CEP89: variants seen among roughly 807,000 people sequenced by gnomAD.
CEP89 encodes centrosomal protein of 89 kDa.
In CEP89, 95 loss-of-function variants were observed where a neutral mutation model predicts 97.6. The ratio of observed to expected loss-of-function variants is 0.97; its 90% CI spans 0.82 to 1.15. The LOEUF is 1.15. CEP89 is among the 50% of genes most tolerant of loss of function. The pLI, the probability that CEP89 is intolerant of heterozygous loss-of-function variation, is 0.00. For synonymous variants in CEP89, 354 were observed against 349.1 expected, an observed-to-expected ratio of 1.01 and a Z score of -0.16; for missense variants, 869 against 947.7, an observed-to-expected ratio of 0.92 and a Z score of 1.09.
At position 32,966,360 on chromosome 19, in the gene CEP89, C is replaced by T; in HGVS notation, c.146G>A (p.Arg49Lys). Residue 49 changes from arginine (R) to lysine (K), a missense_variant and splice_region_variant, in exon 2 of 19, where the codon AGA becomes AAA. By Grantham distance (26) the Arg-to-Lys change is conservative. Coordinates refer to ENST00000305768, the MANE Select transcript of CEP89 (RefSeq NM_032816.5). ...RSPNPSPERP[R>K]SALAAAILAT... ...CAGTGCCTGCTCATCTGATACTCACCTTGGTCTCTCTGGAGATGGGTTGGG... is the reference window on the plus strand; with the variant it reads ...CAGTGCCTGCTCATCTGATACTCACTTTGGTCTCTCTGGAGATGGGTTGGG... The T allele has an allele frequency of 6.6e-7, 1 of 1,521,420 alleles. No individual in the cohort carries two copies. Among genetic ancestry groups the T allele is most frequent in the Non-Finnish European group, 8.9e-7 (1 of 1,126,156 alleles). The allele number at this position is 1,521,420 out of a possible 1,614,324, so 94.2% of individuals were successfully genotyped here.
chr19:32,892,654 C>T (rs910893539), intron 16 of CEP89, among the ~76,000 whole-genome samples: 8 of 137,816 alleles, frequency 5.8e-5, no homozygotes, highest in African/African-American at 8.2e-5. Flanking sequence ...GAGAATGAGA[C>T]GATATATTCA....
intron 4 of CEP89, among the ~76,000 whole-genome samples, chr19:32,950,466 G>A (rs1599769507): frequency 6.6e-6 from 1 of 152,210 alleles, no homozygotes; most frequent in East Asian, 1.9e-4. Context: ...GCTGAGGCAG[G>A]AGAATTGCTT....
intron 1 of CEP89, 33 bp from the exon 2 acceptor site, chr19:32,966,499 G>A (rs1181992466): frequency 7.3e-7 from 1 of 1,369,850 alleles, no homozygotes; most frequent in Non-Finnish European, 9.9e-7. Context: ...AAGTCACTGG[G>A]TTGGGTCACT....
chr19:32,921,170 C>A (rs533468454), intron 12 of CEP89, among the ~76,000 whole-genome samples: 4 of 150,702 alleles, frequency 2.7e-5, no homozygotes, highest in Non-Finnish European at 5.9e-5. Flanking sequence ...TGCAGTGAGT[C>A]GAGATCGCGC....
chr19:32,913,934 C>T (rs987678024), intron 14 of CEP89, among the ~76,000 whole-genome samples: 4 of 152,122 alleles, frequency 2.6e-5, no homozygotes, highest in Non-Finnish European at 5.9e-5. Flanking sequence ...CCACCGTGCC[C>T]GGCCACACAC....
chr19:32,907,643 C>A (rs1038218746), intron 14 of CEP89, among the ~76,000 whole-genome samples: 1 of 151,970 alleles, frequency 6.6e-6, no homozygotes, highest in Non-Finnish European at 1.5e-5. Context: ...GTAGAGATGG[C>A]GTTTCACCAT....
intron 15 of CEP89, among the ~76,000 whole-genome samples, chr19:32,900,455 G>A (rs1195792650): frequency 6.6e-6 from 1 of 151,602 alleles, no homozygotes; most frequent in Admixed American, 6.6e-5. Context: ...AAGTAGCCAG[G>A]GCTTCTCTAT....
chr19:32,951,534 T>TATATACACACACAC (rs1407110112), intron 4 of CEP89, among the ~76,000 whole-genome samples: 4 of 122,044 alleles, frequency 3.3e-5, no homozygotes, highest in African/African-American at 1.4e-4. Flanking sequence ...TATATATATA[T>TATATACACACACAC]ACACACACAC....
chr19:32,971,199 T>C (rs553493541), intron 1 of CEP89: 3 of 279,730 alleles, frequency 1.1e-5, no homozygotes, highest in South Asian at 1.6e-4. Context: ...CAGATGTATG[T>C]AGTGGGTATA....
At chr19:32,885,013 C>T (rs1969364738) in intron 17 of CEP89, among the ~76,000 whole-genome samples, 1 of 151,984 alleles carries the variant, frequency 6.6e-6, no homozygotes, top group Non-Finnish European at 1.5e-5. Context: ...ACAACGTTTT[C>T]TTCACTTTTC....
intron 2 of CEP89, among the ~76,000 whole-genome samples, chr19:32,961,073 G>T (rs904589013): frequency 6.6e-6 from 1 of 152,182 alleles, no homozygotes; most frequent in East Asian, 1.9e-4. Flanking sequence ...CCAGACAGTG[G>T]AGGAAGAACC....
At chr19:32,910,298 AGAGG>A (rs149021642) in intron 14 of CEP89, among the ~76,000 whole-genome samples, 31,343 of 144,814 alleles carry the variant, frequency 0.22, 3,649 homozygotes, top group East Asian at 0.52. Context: ...AGCGAGAGAG[AGAGG>A]GAGGGAGGGA....
intron 4 of CEP89, among the ~76,000 whole-genome samples, chr19:32,950,637 G>A (rs1970891606): frequency 6.6e-6 from 1 of 152,200 alleles, no homozygotes; most frequent in African/African-American, 2.4e-5. Flanking sequence ...TACTAAAGCT[G>A]ATGGTACATA....
intron 17 of CEP89, among the ~76,000 whole-genome samples, chr19:32,883,757 T>A (rs1395309216): frequency 6.6e-6 from 1 of 152,198 alleles, no homozygotes; most frequent in Non-Finnish European, 1.5e-5. Flanking sequence ...CAAGCAATGA[T>A]CAATTTTTGT....
chr19:32,906,572 T>C (rs1969891596), intron 14 of CEP89, among the ~76,000 whole-genome samples: 1 of 152,018 alleles, frequency 6.6e-6, no homozygotes, highest in Non-Finnish European at 1.5e-5. Context: ...CCACTATCAT[T>C]TACTTTCATT....
In CEP89 at chr19:32,879,064, G is replaced by A. The variant is rs1431205534; in HGVS notation, c.*98C>T. ...GCCCTGCAGCGTTCAGTGGGCTTAC[G>A]CACCTCCGGCTGCCACCATGGGCTG... is the stretch of plus-strand genomic sequence containing the variant. On this transcript the variant is annotated 3_prime_UTR_variant, in exon 19 of 19. Transcript: ENST00000305768. 3.3e-6 allele frequency: 3 copies of A among 896,572 alleles called. No individual in the cohort carries two copies. Among genetic ancestry groups the A allele is most frequent in the African/African-American group, 1.6e-5 (1 of 60,676 alleles). The allele number at this position is 896,572 out of a possible 1,614,324, so 55.5% of individuals were successfully genotyped here.
At chr19:32,884,710 G>A (rs868416044) in intron 17 of CEP89, among the ~76,000 whole-genome samples, 8 of 152,134 alleles carry the variant, frequency 5.3e-5, no homozygotes, top group East Asian at 3.9e-4. Context: ...GAGTACAGGC[G>A]CTGGCTATCA....
chr19:32,930,886 AT>A (rs5827826), intron 9 of CEP89, among the ~76,000 whole-genome samples: 1 of 149,660 alleles, frequency 6.7e-6, no homozygotes, highest in African/African-American at 2.5e-5. Context: ...TACTTTTGTT[AT>A]TTTTTTTTTA....
chr19:32,938,006 T>A (rs1353762019), intron 6 of CEP89, among the ~76,000 whole-genome samples: 1 of 117,648 alleles, frequency 8.5e-6, no homozygotes, highest in African/African-American at 2.7e-5. Flanking sequence ...CACCTAATTT[T>A]TTTTTTTTTT....
Sources: gnomAD v4.1 joint callset for allele counts (sites outside exome capture counted in the v4.1 genomes callset) on GRCh38, gnomAD v4.1.1 for gene constraint, MANE v1.5 for transcripts, NCBI Gene and HGNC (gene_info 2026-07-23, HGNC 2026-07-21) for gene names.